Variants in MYO15A observed in about 807,000 individuals in gnomAD.
The protein encoded by MYO15A is unconventional myosin-XV.
Under a neutral mutation model 394.6 loss-of-function variants are expected in MYO15A, and 308 were observed. That is an observed-to-expected ratio of 0.78 (90% CI 0.71 to 0.86). The LOEUF (loss-of-function observed/expected upper bound fraction) is 0.86, where lower values mean the gene tolerates loss of function less well. MYO15A is among the 40% of genes least tolerant of loss of function. MYO15A has a pLI of 0.00. For missense variants in MYO15A, 4,606 were observed against 4,799.1 expected (o/e 0.96, Z 1.19); for synonymous variants, 1,957 against 2,003.8 (o/e 0.98, Z 0.62).
chr17:18,151,943 G>A lies in MYO15A; in HGVS notation c.7885G>A (p.Gly2629Ser), dbSNP rs770877317. 1.9e-6 allele frequency: 3 copies of A among 1,559,996 alleles called. No individual in the cohort carries two copies. The highest frequency in any genetic ancestry group is 1.9e-5 in the Admixed American group (1 of 51,370). The change falls in exon 41 of 66, where the codon GGC (glycine) becomes AGC (serine). Residue 2629 changes from glycine to serine, a missense_variant. Transcript: ENST00000647165. ...GQMTHLAAAPGTQVSREAVAL... is the reference protein window; with the variant it reads ...GQMTHLAAAPSTQVSREAVAL... ...GATGACCCACCTGGCAGCTGCACCT[G>A]GCACCCAGGTGAGGGGGGAAGGTGG...
At chr17:18,155,981 G>C in intron 47 of MYO15A, 1 of 625,926 alleles carries the variant, frequency 1.6e-6, no homozygotes, top group Non-Finnish European at 2.8e-6. Flanking sequence ...AGAGGGGCCG[G>C]AGTGTCAGCC....
At position 18,122,017 on chromosome 17, in the gene MYO15A, G is replaced by C; in HGVS notation, c.3217G>C (p.Ala1073Pro). ...YPLAACDQTR[A>P]TWPPWHRWGT... ...ACTGGCTGCGTGTGACCAGACCAGG[G>C]CCACATGGCCACCATGGCACCGCTG... is the stretch of plus-strand genomic sequence containing the variant. The change falls in exon 2 of 66, where the codon GCC becomes CCC. Residue 1073 changes from alanine (A) to proline (P), a missense_variant. This residue lies in a region of MYO15A where 1,830 missense variants were observed against 1,689.7 expected (regional missense o/e 1.08). Coordinates refer to ENST00000647165, the MANE Select transcript of MYO15A (RefSeq NM_016239.4). The C allele has an allele frequency of 6.2e-7, 1 of 1,613,146 alleles. No individual in the cohort carries two copies. Among genetic ancestry groups the C allele is most frequent in the Non-Finnish European group, 8.5e-7 (1 of 1,180,020 alleles).
intron 7 of MYO15A, among the ~76,000 whole-genome samples, chr17:18,128,541 C>T (rs908872317): frequency 1.3e-5 from 2 of 152,196 alleles, no homozygotes; most frequent in Non-Finnish European, 2.9e-5. Context: ...CCATCCCAGC[C>T]CAGGCCTCCT....
Position 18,132,380 on chromosome 17 carries a change from G to T in MYO15A, c.4207-73G>T. 2 of 1,193,168 alleles carry T rather than the reference G, an allele frequency of 1.7e-6. No homozygotes were observed. Among genetic ancestry groups the T allele is most frequent in the Non-Finnish European group, 1.2e-6 (1 of 803,546 alleles). 73.9% of individuals were successfully genotyped at this position (1,193,168 alleles called of 1,614,324 possible). A position where few individuals can be genotyped will look rare whatever the true frequency, so the allele number is the denominator to read the frequency against. Reference sequence around the variant, plus strand: ...TGCATGTGCACTTGTGGGCAGGCTTGGGCTTGTATGTGTGCCTGGGGGTCA... The same window carrying T: ...TGCATGTGCACTTGTGGGCAGGCTTTGGCTTGTATGTGTGCCTGGGGGTCA... On this transcript the variant is annotated intron_variant, in intron 10 of 65. Coordinates refer to ENST00000647165, the MANE Select transcript of MYO15A (RefSeq NM_016239.4). This position sits in a 1 kb window ranked among gnomAD's most constrained non-coding sequence, Gnocchi z 4.6.
intron 3 of MYO15A, 25 bp downstream of exon 3, chr17:18,124,590 C>G (rs768835734): frequency 1.6e-5 from 25 of 1,609,860 alleles, no homozygotes; most frequent in Non-Finnish European, 2.1e-5. Flanking sequence ...CCGGCGGGGT[C>G]AGCAAGGGGT....
intron 15 of MYO15A, 43 bp downstream of exon 15, chr17:18,136,729 G>T (rs1348405792): frequency 6.4e-7 from 1 of 1,551,170 alleles, no homozygotes; most frequent in African/African-American, 1.4e-5. Flanking sequence ...ACATAGGCAA[G>T]GTCTCGCCTC....
chr17:18,143,658 A>T (rs1458608388), intron 26 of MYO15A, 39 bp downstream of exon 26: 1 of 1,570,588 alleles, frequency 6.4e-7, no homozygotes, highest in Admixed American at 1.9e-5. Flanking sequence ...CCAAGGAGGG[A>T]GGCTGGCAGG....
intron 64 of MYO15A, chr17:18,172,648 G>A: frequency 2.7e-6 from 1 of 364,284 alleles, no homozygotes; most frequent in Non-Finnish European, 5.3e-6. Context: ...CCAAGGTCAA[G>A]GTGTCAGCAG....
Position 18,156,975 on chromosome 17 carries a change from G to C in MYO15A, c.8623G>C (p.Val2875Leu). ...LKKDSDYVVA[V>L]RNFLPEDPAL... ...CCAGGACTCTGACTACGTGGTCGCT[G>C]TGAGGAACTTCCTGCCTGAGGACCC... Residue 2875 changes from valine to leucine, a missense_variant, in exon 49 of 66, where the codon GTG becomes CTG. Transcript: ENST00000647165. 2 of 1,614,204 alleles carry C rather than the reference G, an allele frequency of 1.2e-6. No individual in the cohort carries two copies. The highest frequency in any genetic ancestry group is 1.7e-6 in the Non-Finnish European group (2 of 1,180,040).
rs2045947270 is a variant in MYO15A, at chr17:18,122,035, C to T, written c.3235C>T (p.His1079Tyr). Residue 1079 changes from histidine to tyrosine, a missense_variant, in exon 2 of 66, where the codon CAC becomes TAC. By Grantham distance (83) the His-to-Tyr change is moderately conservative. This residue lies in a region of MYO15A where 1,830 missense variants were observed against 1,689.7 expected (regional missense o/e 1.08). Transcript: ENST00000647165. ...DQTRATWPPWHRWGTLPQAAA... is the reference protein window; with the variant it reads ...DQTRATWPPWYRWGTLPQAAA... ...GACCAGGGCCACATGGCCACCATGG[C>T]ACCGCTGGGGAACACTGCCCCAAGC... The T allele has an allele frequency of 6.2e-7, 1 of 1,612,952 alleles. No individual in the cohort carries two copies. Among genetic ancestry groups the T allele is most frequent in the African/African-American group, 1.3e-5 (1 of 74,948 alleles).
At chr17:18,170,638 G>A (rs1384108601) in intron 62 of MYO15A, among the ~76,000 whole-genome samples, 5 of 151,960 alleles carry the variant, frequency 3.3e-5, no homozygotes, top group East Asian at 1.9e-4. Flanking sequence ...GAGATTACAG[G>A]TGTAATCTCA....
chr17:18,157,570 T>G, intron 50 of MYO15A, 152 bp from the exon 51 acceptor site: 1 of 1,413,874 alleles, frequency 7.1e-7, no homozygotes, highest in Non-Finnish European at 9.4e-7. Flanking sequence ...TCCCTGAGCC[T>G]GTTTCCTCAT....
chr17:18,164,214 C>T (rs899694604), intron 60 of MYO15A: 3 of 324,098 alleles, frequency 9.3e-6, no homozygotes, highest in African/African-American at 4.3e-5. Flanking sequence ...TCTTTCCTGC[C>T]TTTCATGCCT....
rs1184763930 is a variant in MYO15A at position 18,179,041 on chromosome 17, C to T, written c.*171C>T. The T allele has an allele frequency of 4.4e-6, 3 of 689,084 alleles. No homozygotes were observed. The highest frequency in any genetic ancestry group is 7.6e-6 in the Non-Finnish European group (3 of 393,280). 42.7% of individuals were successfully genotyped at this position (689,084 alleles called of 1,614,324 possible). A position where few individuals can be genotyped will look rare whatever the true frequency, so the allele number is the denominator to read the frequency against. Reference sequence around the variant, plus strand: ...TCCCCAAGAACACAAGAAGACCCATCCTGAACTGGGATGGAATGGCAGCAT... The same window carrying T: ...TCCCCAAGAACACAAGAAGACCCATTCTGAACTGGGATGGAATGGCAGCAT... On this transcript the variant is annotated 3_prime_UTR_variant, in exon 66 of 66. Coordinates refer to ENST00000647165, the MANE Select transcript of MYO15A (RefSeq NM_016239.4).
In MYO15A at chr17:18,120,969, G is replaced by GC; in HGVS notation, c.2174dup (p.Ala726CysfsTer254). 1 of 1,487,680 alleles carries GC rather than the reference G, an allele frequency of 6.7e-7. No homozygotes were observed. The highest frequency in any genetic ancestry group is 8.9e-7 in the Non-Finnish European group (1 of 1,124,586). The allele number at this position is 1,487,680 out of a possible 1,614,324, so 92.2% of individuals were successfully genotyped here. A position where few individuals can be genotyped will look rare whatever the true frequency, so the allele number is the denominator to read the frequency against. On this transcript the variant is annotated frameshift_variant, in exon 2 of 66. Transcript: ENST00000647165. LOFTEE classifies it high-confidence loss of function. Reference sequence around the variant, plus strand: ...AGGCCAGCTGGTGGGCCTTCGTGGAGCCCCCTGCCGTGAGCCCGGAGGTGC... The same window carrying GC: ...AGGCCAGCTGGTGGGCCTTCGTGGAGCCCCCCTGCCGTGAGCCCGGAGGTGC...
chr17:18,121,021 C>A lies in MYO15A; in HGVS notation c.2221C>A (p.Pro741Thr). The A allele has an allele frequency of 6.6e-7, 1 of 1,508,638 alleles. No homozygotes were observed. Among genetic ancestry groups the A allele is most frequent in the Non-Finnish European group, 8.8e-7 (1 of 1,133,308 alleles). 93.5% of individuals were successfully genotyped at this position (1,508,638 alleles called of 1,614,324 possible). A position where few individuals can be genotyped will look rare whatever the true frequency, so the allele number is the denominator to read the frequency against. The change falls in exon 2 of 66, where the codon CCC becomes ACC. Residue 741 changes from proline to threonine, a missense_variant. By Grantham distance (38) the Pro-to-Thr change is conservative (BLOSUM62 -1). Transcript: ENST00000647165. The surrounding 1 kb of genome is among the most constrained non-coding windows in gnomAD (Gnocchi z 5.3). ...VPPDLLAFPG[P>T]RPSFRGSRRR... ...CCCCGACCTACTAGCCTTCCCAGGG[C>A]CCCGACCCTCGTTCAGGGGCTCCCG... is the stretch of plus-strand genomic sequence containing the variant.
chr17:18,122,554 C>A, intron 2 of MYO15A, 145 bp downstream of exon 2: 1 of 1,247,594 alleles, frequency 8.0e-7, no homozygotes, highest in Non-Finnish European at 1.1e-6. Flanking sequence ...TTGGGGAGAA[C>A]AGCCTGGACC....
chr17:18,175,078 C>T (rs1243177700), intron 65 of MYO15A, among the ~76,000 whole-genome samples: 1 of 144,050 alleles, frequency 6.9e-6, no homozygotes, highest in Admixed American at 6.9e-5. Context: ...GTTCTCCTAC[C>T]TCTTTTTTTT....
chr17:18,168,472 G>T (rs796408784), intron 62 of MYO15A, among the ~76,000 whole-genome samples: 1 of 151,896 alleles, frequency 6.6e-6, no homozygotes, highest in African/African-American at 2.4e-5. Flanking sequence ...GCTGAGGCAG[G>T]AGAATGACGT....
Sources: gnomAD v4.1 joint callset for allele counts (sites outside exome capture counted in the v4.1 genomes callset) on GRCh38, gnomAD v4.1.1 for gene constraint, gnomAD v4.1.1 regional missense constraint, Gnocchi (gnomAD v3.1) non-coding constraint, MANE v1.5 for transcripts, NCBI Gene and HGNC (gene_info 2026-07-23, HGNC 2026-07-21) for gene names.